Variants in ANKS1B observed in about 807,000 individuals in gnomAD.
ANKS1B encodes the protein ankyrin repeat and sterile alpha motif domain-containing protein 1B.
Under a neutral mutation model 148.3 loss-of-function variants are expected in ANKS1B, and 36 were observed. The ratio of observed to expected loss-of-function variants is 0.24; its 90% CI spans 0.19 to 0.32. The LOEUF (loss-of-function observed/expected upper bound fraction) is 0.32. Ranked by LOEUF, ANKS1B falls within the 10% of genes least tolerant of loss-of-function variation. The pLI is 1.00. For missense variants in ANKS1B, 1,157 were observed against 1,542.6 expected, an observed-to-expected ratio of 0.75 and a Z score of 4.19; for synonymous variants, 542 against 560.8, an observed-to-expected ratio of 0.97 and a Z score of 0.47.
intron 12 of ANKS1B, among the ~76,000 whole-genome samples, chr12:99,288,922 T>G (rs964478980): frequency 7.9e-5 from 12 of 152,028 alleles, no homozygotes; most frequent in Admixed American, 2.0e-4. Context: ...TACCACTGAA[T>G]GTAAATGGAC....
At chr12:98,838,801 T>C (rs2099389607) in intron 17 of ANKS1B, among the ~76,000 whole-genome samples, 1 of 152,222 alleles carries the variant, frequency 6.6e-6, no homozygotes, top group South Asian at 2.1e-4. Flanking sequence ...GCAGTTCTGG[T>C]GTTCCTAAAT....
intron 1 of ANKS1B, among the ~76,000 whole-genome samples, chr12:99,862,427 A>T: frequency 6.6e-6 from 1 of 152,234 alleles, no homozygotes; most frequent in East Asian, 1.9e-4. Flanking sequence ...GAAAAAGCAC[A>T]AAGGTAGACT....
chr12:99,421,188 A>G (rs1286800964), intron 11 of ANKS1B, among the ~76,000 whole-genome samples: 3 of 152,214 alleles, frequency 2.0e-5, no homozygotes, highest in Admixed American at 6.5e-5. Context: ...CTGAAAGAAG[A>G]CATTGATGAG....
At chr12:99,511,199 A>G (rs148346060) in intron 9 of ANKS1B, among the ~76,000 whole-genome samples, 52 of 151,960 alleles carry the variant, frequency 3.4e-4, no homozygotes, top group African/African-American at 1.3e-3. Flanking sequence ...ATGTTCCTTC[A>G]AAACCTAGTT....
At chr12:99,214,132 AT>A (rs2083776601) in intron 14 of ANKS1B, among the ~76,000 whole-genome samples, 1 of 152,086 alleles carries the variant, frequency 6.6e-6, no homozygotes, top group Non-Finnish European at 1.5e-5. Context: ...AAAAAAAAAA[AT>A]CTGTCTAAAT....
At position 99,632,732 on chromosome 12, in the gene ANKS1B, T is replaced by G. The variant is rs1300309118; in HGVS notation, c.1272+22335A>C. On this transcript the variant is annotated intron_variant, in intron 9 of 26. Coordinates refer to ENST00000683438, the MANE Select transcript of ANKS1B (RefSeq NM_001352186.2). ...CCTGTGTCTTCCTTTTCTTTCTATA[T>G]ATATATATATATATATATATATATA... Among the ~76,000 whole-genome samples the G allele has an allele frequency of 8.7e-4, 24 of 27,744 alleles. No individual in the cohort carries two copies. The East Asian group carries it at 0.011, about 12-fold the overall frequency. The allele number at this position is 27,744 out of a possible 152,430, so 18.2% of individuals were successfully genotyped here.
intron 15 of ANKS1B, among the ~76,000 whole-genome samples, chr12:99,124,172 C>G (rs2063668893): frequency 1.3e-5 from 2 of 151,910 alleles, no homozygotes. Flanking sequence ...CGTAGGGGCT[C>G]AAGAAGGAAA....
At chr12:98,857,761 C>A (rs903475866) in intron 17 of ANKS1B, among the ~76,000 whole-genome samples, 3 of 152,034 alleles carry the variant, frequency 2.0e-5, no homozygotes, top group African/African-American at 7.2e-5. Context: ...TATTTCTAAA[C>A]TCAAAACTTC....
chr12:99,805,282 A>AAAAAAAAAAAAAAAAAAC, intron 4 of ANKS1B, among the ~76,000 whole-genome samples: 1 of 148,302 alleles, frequency 6.7e-6, no homozygotes, highest in South Asian at 2.1e-4. Flanking sequence ...AAAAAAAAAA[A>AAAAAAAAAAAAAAAAAAC]AAAAAAGACT....
At chr12:99,404,288 T>C (rs2094481483) in intron 11 of ANKS1B, among the ~76,000 whole-genome samples, 1 of 145,840 alleles carries the variant, frequency 6.9e-6, no homozygotes, top group Non-Finnish European at 1.5e-5. Flanking sequence ...ATTTTACCTA[T>C]GTAACCTGCA....
At chr12:99,301,219 A>T (rs1157742769) in intron 12 of ANKS1B, among the ~76,000 whole-genome samples, 1 of 152,186 alleles carries the variant, frequency 6.6e-6, no homozygotes, top group African/African-American at 2.4e-5. Flanking sequence ...CACACTGGTG[A>T]GGGCAGATTG....
intron 9 of ANKS1B, among the ~76,000 whole-genome samples, chr12:99,524,749 G>C (rs1380157976): frequency 6.6e-6 from 1 of 152,186 alleles, no homozygotes; most frequent in Admixed American, 6.5e-5. Flanking sequence ...GAGAGAACGA[G>C]AGCCAAGCAA....
At chr12:99,599,818 G>T (rs2097786727) in intron 9 of ANKS1B, among the ~76,000 whole-genome samples, 1 of 152,008 alleles carries the variant, frequency 6.6e-6, no homozygotes, top group Non-Finnish European at 1.5e-5. Flanking sequence ...TGAGATTCTG[G>T]TAGATAAATT....
intron 14 of ANKS1B, among the ~76,000 whole-genome samples, chr12:99,238,566 CA>C (rs1358640914): frequency 6.6e-6 from 1 of 152,202 alleles, no homozygotes; most frequent in African/African-American, 2.4e-5. Flanking sequence ...GTTCTCTCAG[CA>C]CAGCGTTTGA....
intron 17 of ANKS1B, among the ~76,000 whole-genome samples, chr12:98,999,419 T>C (rs1029580245): frequency 2.0e-5 from 3 of 152,140 alleles, no homozygotes; most frequent in African/African-American, 7.2e-5. Context: ...TTCCCATTGC[T>C]GAACCAACTG....
At chr12:99,425,972 A>G (rs893190739) in intron 11 of ANKS1B, among the ~76,000 whole-genome samples, 1 of 152,080 alleles carries the variant, frequency 6.6e-6, no homozygotes, top group African/African-American at 2.4e-5. Flanking sequence ...TGTTAAGTAA[A>G]TGTTTGTATC....
intron 1 of ANKS1B, among the ~76,000 whole-genome samples, chr12:99,862,089 C>T (rs1156616769): frequency 6.6e-6 from 1 of 152,040 alleles, no homozygotes; most frequent in Admixed American, 6.6e-5. Flanking sequence ...ACTGTTAACA[C>T]TGAATTTTTA....
intron 14 of ANKS1B, among the ~76,000 whole-genome samples, chr12:99,202,735 A>G (rs751818767): frequency 2.6e-5 from 4 of 152,144 alleles, no homozygotes; most frequent in African/African-American, 7.2e-5. Flanking sequence ...AACAACAAAC[A>G]CTTTATTTCC....
intron 1 of ANKS1B, among the ~76,000 whole-genome samples, chr12:99,895,215 C>CA: frequency 6.7e-6 from 1 of 150,238 alleles, no homozygotes; most frequent in South Asian, 2.1e-4. Context: ...CTTAGTAGAA[C>CA]AAAAAATGAC....
Sources: allele counts gnomAD v4.1 joint callset (sites outside exome capture counted in the v4.1 genomes callset), GRCh38; gene constraint gnomAD v4.1.1; transcripts MANE v1.5; gene names NCBI Gene and HGNC (gene_info 2026-07-23, HGNC 2026-07-21).